NTM: variants seen among roughly 807,000 people sequenced by gnomAD.
The protein encoded by NTM is IgLON family member 2.
NTM carries 13 observed loss-of-function variants against 42.1 expected under a neutral mutation model. The observed-to-expected ratio is 0.31, with a 90% CI of 0.20 to 0.49. The LOEUF is 0.49. NTM is among the 20% of genes least tolerant of loss of function. The pLI, the probability that NTM is intolerant of heterozygous loss-of-function variation, is 0.99. For synonymous variants in NTM, 187 were observed against 179.2 expected, an observed-to-expected ratio of 1.04 and a Z score of -0.35; for missense variants, 373 against 452.8, an observed-to-expected ratio of 0.82 and a Z score of 1.60.
rs537488691 is a variant in NTM at position 131,734,653 on chromosome 11, T to G, written c.83-176911T>G. Among the ~76,000 whole-genome samples the G allele has an allele frequency of 2.8e-3, 421 of 152,244 alleles. 3 individuals carry two copies. Among genetic ancestry groups the G allele is most frequent in the African/African-American group, 9.8e-3 (408 of 41,544 alleles). Reference sequence around the variant, plus strand: ...TCCTCTTCCTTTGGGGTAGCTACACTATCAATACCCCAGCTCTTCCCCTTT... The same window carrying G: ...TCCTCTTCCTTTGGGGTAGCTACACGATCAATACCCCAGCTCTTCCCCTTT... On this transcript the variant is annotated intron_variant, in intron 1 of 8. Coordinates refer to ENST00000683400, the MANE Select transcript of NTM (RefSeq NM_001352005.2).
intron 2 of NTM, among the ~76,000 whole-genome samples, chr11:132,016,066 T>A (rs993569267): frequency 6.6e-6 from 1 of 151,672 alleles, no homozygotes; most frequent in South Asian, 2.1e-4. Flanking sequence ...TCATATATGG[T>A]CTTCGCTGTG....
chr11:131,908,496 G>A (rs2054192476), intron 1 of NTM, among the ~76,000 whole-genome samples: 1 of 152,204 alleles, frequency 6.6e-6, no homozygotes, highest in Admixed American at 6.5e-5. Context: ...GCCATTCTCA[G>A]GCCTCTAGGG....
intron 4 of NTM, among the ~76,000 whole-genome samples, chr11:132,287,082 C>G (rs901549203): frequency 2.6e-5 from 4 of 152,202 alleles, no homozygotes; most frequent in African/African-American, 9.7e-5. Context: ...TGAGACCCCT[C>G]AGGCTGTCGA....
chr11:131,794,860 C>A (rs923541843), intron 1 of NTM: 1 of 985,230 alleles, frequency 1.0e-6, no homozygotes, highest in Non-Finnish European at 1.2e-6. Flanking sequence ...CCATAGGTAA[C>A]GGCCTCCACA....
chr11:131,889,425 G>C (rs914434260), intron 1 of NTM, among the ~76,000 whole-genome samples: 1 of 152,154 alleles, frequency 6.6e-6, no homozygotes, highest in African/African-American at 2.4e-5. Flanking sequence ...TGAGTGCACA[G>C]CACACACCAC....
chr11:131,386,701 G>A (rs576797207), intron 1 of NTM, among the ~76,000 whole-genome samples: 1 of 152,336 alleles, frequency 6.6e-6, no homozygotes, highest in Non-Finnish European at 1.5e-5. Context: ...TTTTCCAAGA[G>A]AGCAAAAAGG....
intron 4 of NTM, among the ~76,000 whole-genome samples, chr11:132,241,291 T>C (rs2090145394): frequency 6.6e-6 from 1 of 152,176 alleles, no homozygotes; most frequent in African/African-American, 2.4e-5. Flanking sequence ...ATATAACAAA[T>C]TTATATATAA....
intron 1 of NTM, among the ~76,000 whole-genome samples, chr11:131,702,222 T>A (rs1191344781): frequency 6.6e-6 from 1 of 152,204 alleles, no homozygotes. Context: ...TCCTGATCTA[T>A]CAGGGTCTGC....
chr11:132,098,393 C>A (rs772039338), intron 2 of NTM, among the ~76,000 whole-genome samples: 1 of 152,174 alleles, frequency 6.6e-6, no homozygotes. Context: ...TTTGGCGTTG[C>A]GGCCATCTCC....
chr11:131,545,990 G>A (rs1006459882), intron 1 of NTM, among the ~76,000 whole-genome samples: 1 of 152,166 alleles, frequency 6.6e-6, no homozygotes, highest in African/African-American at 2.4e-5. Flanking sequence ...CTTAGAAAGT[G>A]GGAGGGGGAC....
At chr11:131,688,893 C>T (rs959228345) in intron 1 of NTM, among the ~76,000 whole-genome samples, 1 of 152,248 alleles carries the variant, frequency 6.6e-6, no homozygotes, top group East Asian at 1.9e-4. Flanking sequence ...CACCCCTGCT[C>T]AGAGGCCTGT....
chr11:132,223,142 T>C (rs1322211454), intron 4 of NTM, among the ~76,000 whole-genome samples: 2 of 152,316 alleles, frequency 1.3e-5, no homozygotes, highest in South Asian at 2.1e-4. Context: ...ACTTATTTGT[T>C]CAGTAATTGT....
intron 4 of NTM, among the ~76,000 whole-genome samples, chr11:132,277,811 C>T (rs1386071439): frequency 6.6e-6 from 1 of 150,988 alleles, no homozygotes; most frequent in Admixed American, 6.6e-5. Flanking sequence ...GGTGCTATTT[C>T]TATCATGCTA....
chr11:132,165,506 A>G (rs562386591), intron 3 of NTM, among the ~76,000 whole-genome samples: 87 of 152,330 alleles, frequency 5.7e-4, no homozygotes, highest in African/African-American at 2.0e-3. Flanking sequence ...ATAAGAGCAA[A>G]CATTTATTGG....
chr11:131,678,423 G>A (rs1259518285), intron 1 of NTM, among the ~76,000 whole-genome samples: 2 of 152,260 alleles, frequency 1.3e-5, no homozygotes, highest in African/African-American at 4.8e-5. Context: ...CAACACAGAA[G>A]CCATGAGGGC....
At position 131,996,325 on chromosome 11, in the gene NTM, C is replaced by T. The variant is rs753644449; in HGVS notation, c.167+84677C>T. Among the ~76,000 whole-genome samples, 22 of 152,112 alleles carry T rather than the reference C, an allele frequency of 1.4e-4. 1 individual carries two copies. Among genetic ancestry groups the T allele is most frequent in the South Asian group, 4.1e-4 (2 of 4,826 alleles). ...CCTGCACCTGCCATACCCAGCACAG[C>T]GCCTGACACACATGTAGAGTAAATT... On this transcript the variant is annotated intron_variant, in intron 2 of 8. Transcript: ENST00000683400.
intron 1 of NTM, among the ~76,000 whole-genome samples, chr11:131,886,674 G>GA (rs1256172322): frequency 6.6e-6 from 1 of 152,202 alleles, no homozygotes; most frequent in African/African-American, 2.4e-5. Flanking sequence ...AGATTCAGGT[G>GA]AGATCCCTGC....
chr11:132,146,750 G>T lies in NTM; in HGVS notation c.400+236G>T. On this transcript the variant is annotated intron_variant, in intron 3 of 8. Coordinates refer to ENST00000683400, the MANE Select transcript of NTM (RefSeq NM_001352005.2). The surrounding 1 kb of genome is among the most constrained non-coding windows in gnomAD (Gnocchi z 4.5). ...TTGTTCCAATAATATATTTTCTCAG[G>T]AAATTATCTTGTAATTATTGCTCTT... is the stretch of plus-strand genomic sequence containing the variant. 1 of 455,238 alleles carries T rather than the reference G, an allele frequency of 2.2e-6. No individual in the cohort carries two copies. The highest frequency in any genetic ancestry group is 3.8e-6 in the Non-Finnish European group (1 of 260,804). 28.2% of individuals were successfully genotyped at this position (455,238 alleles called of 1,614,324 possible). A position where few individuals can be genotyped will look rare whatever the true frequency, so the allele number is the denominator to read the frequency against.
intron 1 of NTM, among the ~76,000 whole-genome samples, chr11:131,373,323 C>G (rs1941475181): frequency 6.6e-6 from 1 of 152,156 alleles, no homozygotes; most frequent in Admixed American, 6.5e-5. Flanking sequence ...TTTTTCTTCT[C>G]CTCTGTTTTT....
Sources: allele counts gnomAD v4.1 joint callset (sites outside exome capture counted in the v4.1 genomes callset), GRCh38; gene constraint gnomAD v4.1.1; non-coding constraint Gnocchi (gnomAD v3.1); transcripts MANE v1.5; gene names NCBI Gene and HGNC (gene_info 2026-07-23, HGNC 2026-07-21).